Variants in CR1L observed in about 807,000 individuals in gnomAD.
CR1L encodes the protein complement C3b/C4b receptor 1 like.
In CR1L, 59 loss-of-function variants were observed where a neutral mutation model predicts 62.3. That is an observed-to-expected ratio of 0.95 (90% CI 0.77 to 1.18). CR1L has a LOEUF of 1.18. Ranked by LOEUF, CR1L falls within the 50% of genes most tolerant of loss-of-function variation. The pLI is 0.00. For missense variants in CR1L, 700 were observed against 702.8 expected, an observed-to-expected ratio of 1.00 and a Z score of 0.04; for synonymous variants, 279 against 248.7, an observed-to-expected ratio of 1.12 and a Z score of -1.15.
In CR1L at chr1:207,683,943, C is replaced by A. The variant is rs1218198146; in HGVS notation, c.449C>A (p.Thr150Lys). 1 of 1,612,964 alleles carries A rather than the reference C, an allele frequency of 6.2e-7. No individual in the cohort carries two copies. Among genetic ancestry groups the A allele is most frequent in the Non-Finnish European group, 8.5e-7 (1 of 1,179,194 alleles). ...AACACTGTCATTTGGGATAATAAAACACCTGTTTGTGACAGTGAGTTGAAA... is the reference window on the plus strand; with the variant it reads ...AACACTGTCATTTGGGATAATAAAAAACCTGTTTGTGACAGTGAGTTGAAA... Reference protein sequence around the residue: ...SGNTVIWDNKTPVCDRIICGL... With the variant: ...SGNTVIWDNKKPVCDRIICGL... The change falls in exon 4 of 12, where the codon ACA becomes AAA. Residue 150 changes from threonine to lysine, a missense_variant. Thr to Lys is a moderately conservative substitution (Grantham distance 78). Transcript: ENST00000508064.
At chr1:207,682,516 A>G (rs1397958230) in intron 3 of CR1L, among the ~76,000 whole-genome samples, 1 of 152,148 alleles carries the variant, frequency 6.6e-6, no homozygotes, top group Non-Finnish European at 1.5e-5. Context: ...AATAATTACA[A>G]CATAATAGCT....
intron 4 of CR1L, among the ~76,000 whole-genome samples, chr1:207,685,754 A>T (rs1414021794): frequency 6.6e-6 from 1 of 152,140 alleles, no homozygotes; most frequent in Non-Finnish European, 1.5e-5. Flanking sequence ...TCAAGCCTCC[A>T]GTAAAAGGTC....
chr1:207,652,759 T>G (rs1377255526), intron 1 of CR1L: 1 of 741,392 alleles, frequency 1.3e-6, no homozygotes, highest in Admixed American at 1.8e-5. Flanking sequence ...CCTTTTTTTT[T>G]TGTTTTCTGC....
intron 11 of CR1L, among the ~76,000 whole-genome samples, chr1:207,723,409 G>A (rs1391515940): frequency 6.8e-6 from 1 of 146,282 alleles, no homozygotes; most frequent in African/African-American, 2.6e-5. Context: ...TGGCGACAGA[G>A]TGAGACTTTG....
chr1:207,697,815 GTGC>G lies in CR1L; in HGVS notation c.1086_1088del (p.Leu363del). On this transcript the variant is annotated inframe_deletion, in exon 7 of 12. Coordinates refer to ENST00000508064, the MANE Select transcript of CR1L (RefSeq NM_175710.2). ...CCTGGGCCAACTTCCTAATGGCCAT[GTGC>G]TATTTCCACTTAATCTCCAGCTTGG... The G allele has an allele frequency of 6.2e-7, 1 of 1,613,978 alleles. No homozygotes were observed. Among genetic ancestry groups the G allele is most frequent in the Non-Finnish European group, 8.5e-7 (1 of 1,179,888 alleles).
At chr1:207,713,764 C>T (rs746362958) in intron 10 of CR1L, among the ~76,000 whole-genome samples, 2 of 152,224 alleles carry the variant, frequency 1.3e-5, no homozygotes, top group African/African-American at 2.4e-5. Context: ...ACCCCGAAGC[C>T]CAGAGGGGGT....
chr1:207,683,708 CA>C (rs1663844168), intron 3 of CR1L, among the ~76,000 whole-genome samples, 163 bp from the exon 4 acceptor site: 1 of 152,130 alleles, frequency 6.6e-6, no homozygotes, highest in Admixed American at 6.5e-5. Context: ...GAGAAAATGA[CA>C]AAGTCCCAAG....
rs11457954 is a variant in CR1L at position 207,665,404 on chromosome 1, AT to A, written c.98-11976del. On this transcript the variant is annotated intron_variant, in intron 1 of 11. Coordinates refer to ENST00000508064, the MANE Select transcript of CR1L (RefSeq NM_175710.2). ...TGCAAATATATATGTAGATTAAATTATTTTTTTTTCTAGTTGGAGCCTTGCT... is the reference window on the plus strand; with the variant it reads ...TGCAAATATATATGTAGATTAAATTATTTTTTTTCTAGTTGGAGCCTTGCT... 6.1e-5 allele frequency among the ~76,000 whole-genome samples: 9 copies of A among 147,696 alleles called. No homozygotes were observed. In the South Asian group the frequency reaches 6.4e-4, roughly 11 times the overall value.
chr1:207,711,831 G>A (rs1473122372), intron 10 of CR1L, among the ~76,000 whole-genome samples: 3 of 152,090 alleles, frequency 2.0e-5, no homozygotes, highest in Middle Eastern at 3.4e-3. Context: ...CCTGGGACGC[G>A]GAGGTTGCAG....
chr1:207,669,592 C>CTCGCGCT, intron 1 of CR1L: 2 of 1,386,744 alleles, frequency 1.4e-6, no homozygotes, highest in Non-Finnish European at 2.0e-6. Flanking sequence ...CGTGGGGAGG[C>CTCGCGCT]GCCCGGGCTG....
intron 1 of CR1L, among the ~76,000 whole-genome samples, chr1:207,672,903 C>T (rs1391148087): frequency 6.6e-6 from 1 of 152,112 alleles, no homozygotes; most frequent in East Asian, 1.9e-4. Context: ...ATAAACTTCA[C>T]ATTCGGACAG....
In CR1L at chr1:207,694,594, G is replaced by C. The variant is rs2102468572; in HGVS notation, c.705G>C (p.Val235=). The C allele has an allele frequency of 6.2e-7, 1 of 1,611,930 alleles. No individual in the cohort carries two copies. The highest frequency in any genetic ancestry group is 1.1e-5 in the South Asian group (1 of 90,990). ...CTAACAAATGCACGCCTCCAAATGT[G>C]GAAAATGGAATATTGGTATCTGACA... ...IIPNKCTPPN[V]ENGILVSDNR... is the part of the protein sequence containing the mutation. The change falls in exon 5 of 12, where the codon GTG becomes GTC. Residue 235 remains valine, a synonymous_variant. Transcript: ENST00000508064.
intron 4 of CR1L, among the ~76,000 whole-genome samples, chr1:207,687,445 G>C (rs1298932788): frequency 2.0e-5 from 3 of 152,166 alleles, no homozygotes; most frequent in Non-Finnish European, 4.4e-5. Context: ...ATGCACCCAT[G>C]TAAGTGGCAC....
chr1:207,697,700 C>T, intron 6 of CR1L, 21 bp downstream of exon 6: 2 of 1,613,966 alleles, frequency 1.2e-6, no homozygotes, highest in Non-Finnish European at 1.7e-6. Flanking sequence ...TCTTATCTGG[C>T]TTGGTATTTT....
intron 1 of CR1L, among the ~76,000 whole-genome samples, chr1:207,670,681 C>T (rs1396434478): frequency 1.3e-5 from 2 of 150,888 alleles, no homozygotes; most frequent in Non-Finnish European, 2.9e-5. Context: ...AAAAGAAAAC[C>T]AAGTTCCCCC....
chr1:207,681,414 C>A lies in CR1L; in HGVS notation c.378-2458C>A, dbSNP rs144105127. 4.5e-3 allele frequency among the ~76,000 whole-genome samples: 688 copies of A among 152,324 alleles called. 12 individuals carry two copies. The highest frequency in any genetic ancestry group is 0.041 in the Admixed American group (628 of 15,298). On this transcript the variant is annotated intron_variant, in intron 3 of 11. Transcript: ENST00000508064. ...TAAATGGATATGAGAGTCCCTGGCT[C>A]TCCTTAAAATAAGTAGCATGGATTT...
At chr1:207,714,185 G>C (rs1419613947) in intron 10 of CR1L, among the ~76,000 whole-genome samples, 2 of 152,204 alleles carry the variant, frequency 1.3e-5, no homozygotes, top group Non-Finnish European at 2.9e-5. Context: ...GATGAAGTCA[G>C]GGGGTCATTC....
rs1470636321 is a variant in CR1L, at chr1:207,710,686, T to C, written c.1414+2423T>C. 3.1e-6 allele frequency: 5 copies of C among 1,610,144 alleles called. No homozygotes were observed. In the Admixed American group the frequency reaches 8.3e-5, roughly 27 times the overall value. Reference sequence around the variant, plus strand: ...TTTCCTTAAATGAAGTTGTGGAGTTTAGGTGTCAGCCTGGCTTTGTCATGA... The same window carrying C: ...TTTCCTTAAATGAAGTTGTGGAGTTCAGGTGTCAGCCTGGCTTTGTCATGA... On this transcript the variant is annotated intron_variant, in intron 10 of 11. Coordinates refer to ENST00000508064, the MANE Select transcript of CR1L (RefSeq NM_175710.2).
At chr1:207,662,415 AC>A (rs1663440167) in intron 1 of CR1L, among the ~76,000 whole-genome samples, 1 of 152,110 alleles carries the variant, frequency 6.6e-6, no homozygotes, top group Non-Finnish European at 1.5e-5. Context: ...CATCTCTGAT[AC>A]CCTTTCTTCC....
Sources: allele counts gnomAD v4.1 joint callset (sites outside exome capture counted in the v4.1 genomes callset), GRCh38; gene constraint gnomAD v4.1.1; transcripts MANE v1.5; gene names NCBI Gene and HGNC (gene_info 2026-07-23, HGNC 2026-07-21).